The following GMDS variants were observed in gnomAD, a reference collection of about 807,000 sequenced individuals.
The protein encoded by GMDS is GDP-mannose 4,6-dehydratase.
GMDS carries 20 observed loss-of-function variants against 49.9 expected under a neutral mutation model. The ratio of observed to expected loss-of-function variants is 0.40; its 90% CI spans 0.28 to 0.58. GMDS has a LOEUF of 0.58. GMDS is among the 20% of genes least tolerant of loss of function. The probability of loss-of-function intolerance (pLI) is 0.42; values close to 1 mark genes in which losing one functional copy is unlikely to be tolerated. For synonymous variants in GMDS, 177 were observed against 178.6 expected, an observed-to-expected ratio of 0.99 and a Z score of 0.07; for missense variants, 362 against 481.4, an observed-to-expected ratio of 0.75 and a Z score of 2.32.
chr6:1,767,811 G>C (rs564553612), intron 7 of GMDS, among the ~76,000 whole-genome samples: 3 of 152,280 alleles, frequency 2.0e-5, no homozygotes, highest in South Asian at 4.2e-4. Context: ...GATAACTTTG[G>C]ACTCTCTCCC....
intron 7 of GMDS, among the ~76,000 whole-genome samples, chr6:1,893,193 CTTT>C (rs1197199049): frequency 1.6e-5 from 2 of 127,482 alleles, no homozygotes; most frequent in Non-Finnish European, 3.3e-5. Context: ...TTTTTGTTTT[CTTT>C]TTTTTTTTTT....
At chr6:1,849,399 T>C (rs761233687) in intron 7 of GMDS, among the ~76,000 whole-genome samples, 1 of 152,194 alleles carries the variant, frequency 6.6e-6, no homozygotes, top group Non-Finnish European at 1.5e-5. Context: ...CACGTGCTCA[T>C]GAATGAACAC....
rs553591713 is a variant in GMDS, at chr6:2,083,187, A to T, written c.345+32584T>A. Among the ~76,000 whole-genome samples the T allele has an allele frequency of 5.3e-5, 8 of 152,276 alleles. No individual in the cohort carries two copies. The South Asian group carries it at 1.5e-3, about 28-fold the overall frequency. ...CACTGTGGCTTTTAATCAATACAAG[A>T]TTAGATACCTTTAACACTTTAGCAC... On this transcript the variant is annotated intron_variant, in intron 4 of 10. Coordinates refer to ENST00000380815, the MANE Select transcript of GMDS (RefSeq NM_001500.4).
intron 4 of GMDS, among the ~76,000 whole-genome samples, chr6:2,048,315 T>C (rs537811728): frequency 1.3e-4 from 20 of 152,396 alleles, no homozygotes; most frequent in African/African-American, 4.8e-4. Context: ...TTTTTCCATA[T>C]GGCCAGCATC....
At chr6:1,857,852 T>C (rs1758005730) in intron 7 of GMDS, among the ~76,000 whole-genome samples, 1 of 152,200 alleles carries the variant, frequency 6.6e-6, no homozygotes, top group African/African-American at 2.4e-5. Context: ...TTTCTGTGAT[T>C]ATGATCAAAA....
intron 7 of GMDS, among the ~76,000 whole-genome samples, chr6:1,892,450 C>T (rs530951539): frequency 3.8e-4 from 58 of 152,228 alleles, no homozygotes; most frequent in Non-Finnish European, 6.9e-4. Context: ...ACCTCCACTA[C>T]CCAGGTTCAA....
chr6:2,228,808 C>T (rs1177991663), intron 1 of GMDS, among the ~76,000 whole-genome samples: 1 of 152,168 alleles, frequency 6.6e-6, no homozygotes, highest in African/African-American at 2.4e-5. Flanking sequence ...GAATTAGCCC[C>T]AATACCCCCC....
In GMDS at chr6:1,742,543, A is replaced by G. The variant is rs1767313156; in HGVS notation, c.815T>C (p.Val272Ala). The G allele has an allele frequency of 6.2e-7, 1 of 1,612,240 alleles. No homozygotes were observed. The highest frequency in any genetic ancestry group is 1.7e-4 in the Middle Eastern group (1 of 6,056). ...ACTATGGACCTCCCCAGTAGCTATA[A>G]CGAAGTCCTCCGGCTCATCATTCTG... ...MLQNDEPEDF[V>A]IATGEVHSVR... is the part of the protein sequence containing the mutation. The change falls in exon 8 of 11, where the codon GTT becomes GCT. Residue 272 changes from valine to alanine, a missense_variant. By Grantham distance (64) the Val-to-Ala change is moderately conservative. Transcript: ENST00000380815.
rs1364532258 is a variant in GMDS at position 2,245,376 on chromosome 6, TC to T, written c.46del (p.Asp16ThrfsTer65). On this transcript the variant is annotated frameshift_variant, in exon 1 of 11. Transcript: ENST00000380815. LOFTEE classifies it high-confidence loss of function. The part of the protein sequence containing the change: ...ARCPSARGSG[D>X]GEMGKPRNVA... ...GTTCCTGGGCTTGCCCATCTCGCCG[TC>T]CCCGGAGCCCCGGGCGCTGGGGCAG... is the stretch of plus-strand genomic sequence containing the variant. 6.5e-7 allele frequency: 1 copy of T among 1,549,296 alleles called. No homozygotes were observed. Among genetic ancestry groups the T allele is most frequent in the Non-Finnish European group, 8.7e-7 (1 of 1,153,342 alleles).
At chr6:2,223,191 A>C (rs936682524) in intron 1 of GMDS, among the ~76,000 whole-genome samples, 1 of 151,928 alleles carries the variant, frequency 6.6e-6, no homozygotes, top group Non-Finnish European at 1.5e-5. Context: ...ATATCCATCC[A>C]TCCCACTGGT....
At chr6:2,123,932 A>G (rs1414353855) in intron 2 of GMDS, among the ~76,000 whole-genome samples, 1 of 152,176 alleles carries the variant, frequency 6.6e-6, no homozygotes, top group Non-Finnish European at 1.5e-5. Flanking sequence ...ATTTGCCCCA[A>G]TTACACATTT....
chr6:1,998,994 G>T (rs1335481422), intron 4 of GMDS, among the ~76,000 whole-genome samples: 1 of 151,990 alleles, frequency 6.6e-6, no homozygotes, highest in Non-Finnish European at 1.5e-5. Flanking sequence ...AAGTAATAAA[G>T]ATAATAATTC....
At chr6:1,675,412 C>G (rs1764585637) in intron 9 of GMDS, among the ~76,000 whole-genome samples, 1 of 151,916 alleles carries the variant, frequency 6.6e-6, no homozygotes, top group Non-Finnish European at 1.5e-5. Context: ...TCTTCCTTCC[C>G]AAATCTGCAA....
At chr6:1,949,683 T>C (rs1017291992) in intron 6 of GMDS, among the ~76,000 whole-genome samples, 1 of 152,200 alleles carries the variant, frequency 6.6e-6, no homozygotes, top group African/African-American at 2.4e-5. Flanking sequence ...TGAAGTATCA[T>C]AGTCTACAAA....
intron 1 of GMDS, among the ~76,000 whole-genome samples, chr6:2,205,000 T>C (rs1779733022): frequency 6.6e-6 from 1 of 152,236 alleles, no homozygotes; most frequent in Admixed American, 6.5e-5. Flanking sequence ...CTTTTTCTAA[T>C]ATTGAATTTT....
At chr6:2,080,563 A>G (rs1185540019) in intron 4 of GMDS, among the ~76,000 whole-genome samples, 1 of 151,918 alleles carries the variant, frequency 6.6e-6, no homozygotes, top group Admixed American at 6.5e-5. Flanking sequence ...AGTCTCTGTA[A>G]GATTTCTTCA....
intron 1 of GMDS, among the ~76,000 whole-genome samples, chr6:2,206,966 G>A (rs1779834681): frequency 6.6e-6 from 1 of 152,192 alleles, no homozygotes; most frequent in East Asian, 1.9e-4. Flanking sequence ...ACTCCCAGAA[G>A]TCTTAGTGGT....
intron 7 of GMDS, among the ~76,000 whole-genome samples, chr6:1,787,827 A>G (rs1246680063): frequency 6.6e-6 from 1 of 152,222 alleles, no homozygotes; most frequent in Non-Finnish European, 1.5e-5. Flanking sequence ...ACACTTTTGT[A>G]AACTTTTTAA....
chr6:2,021,231 G>A (rs905767127), intron 4 of GMDS, among the ~76,000 whole-genome samples: 3 of 152,202 alleles, frequency 2.0e-5, no homozygotes, highest in Non-Finnish European at 4.4e-5. Flanking sequence ...AGCCCAGCTT[G>A]TTGCTATTTT....
Sources: gnomAD v4.1 joint callset for allele counts (sites outside exome capture counted in the v4.1 genomes callset) on GRCh38, gnomAD v4.1.1 for gene constraint, MANE v1.5 for transcripts, NCBI Gene and HGNC (gene_info 2026-07-23, HGNC 2026-07-21) for gene names.